Variants in FAM117B observed in about 807,000 individuals in gnomAD.
The protein encoded by FAM117B is family with sequence similarity 117 member B.
A neutral mutation model predicts 52.8 loss-of-function variants in FAM117B; 22 were observed. The ratio of observed to expected loss-of-function variants is 0.42; its 90% CI spans 0.30 to 0.59. The LOEUF (loss-of-function observed/expected upper bound fraction) is 0.59. FAM117B is among the 20% of genes least tolerant of loss of function. FAM117B has a pLI of 0.22. For missense variants in FAM117B, 678 were observed against 802.6 expected (o/e 0.84, Z 1.88); for synonymous variants, 309 against 324.1 (o/e 0.95, Z 0.50).
chr2:202,650,733 A>C (rs950292316), intron 1 of FAM117B, among the ~76,000 whole-genome samples: 1 of 152,200 alleles, frequency 6.6e-6, no homozygotes, highest in African/African-American at 2.4e-5. Flanking sequence ...AAGCTGAAGA[A>C]ACTGGAGTGA....
rs1158185300 is a variant in FAM117B, at chr2:202,673,433, G to GTTTTTTTTTTTTTTTTTTTTTTTTTTTT, written c.602-22443_602-22416dup. ...TAGCCTACCCTATTTTTCTTTTTCT[G>GTTTTTTTTTTTTTTTTTTTTTTTTTTTT]TTTTTTTTTTTTTTTTTTTTTTTTT... On this transcript the variant is annotated intron_variant, in intron 1 of 7. Coordinates refer to ENST00000392238, the MANE Select transcript of FAM117B (RefSeq NM_173511.4). 8.0e-5 allele frequency among the ~76,000 whole-genome samples: 3 copies of GTTTTTTTTTTTTTTTTTTTTTTTTTTTT among 37,534 alleles called. 1 individual carries two copies. Among genetic ancestry groups the GTTTTTTTTTTTTTTTTTTTTTTTTTTTT allele is most frequent in the Admixed American group, 4.9e-4 (1 of 2,034 alleles). The allele number at this position is 37,534 out of a possible 152,430, so 24.6% of individuals were successfully genotyped here.
At chr2:202,656,998 A>C (rs1260022526) in intron 1 of FAM117B, among the ~76,000 whole-genome samples, 1 of 152,176 alleles carries the variant, frequency 6.6e-6, no homozygotes, top group Admixed American at 6.5e-5. Flanking sequence ...TATTTTTACT[A>C]TCCTTTCTAT....
chr2:202,752,373 C>A (rs1376902486), intron 4 of FAM117B, among the ~76,000 whole-genome samples: 1 of 148,808 alleles, frequency 6.7e-6, no homozygotes, highest in African/African-American at 2.5e-5. Context: ...TCACAGATTT[C>A]TTGTGTTTGC....
chr2:202,657,097 A>AT (rs758126689), intron 1 of FAM117B, among the ~76,000 whole-genome samples: 13 of 151,488 alleles, frequency 8.6e-5, no homozygotes, highest in Non-Finnish European at 1.6e-4. Context: ...TATTTTATTT[A>AT]TTTTTTTTGA....
chr2:202,673,182 G>A (rs1264973170), intron 1 of FAM117B, among the ~76,000 whole-genome samples: 1 of 152,166 alleles, frequency 6.6e-6, no homozygotes, highest in African/African-American at 2.4e-5. Context: ...AAGTGAGTCT[G>A]TTGCAGTTTT....
intron 1 of FAM117B, among the ~76,000 whole-genome samples, chr2:202,649,211 A>G (rs1689919009): frequency 6.6e-6 from 1 of 152,108 alleles, no homozygotes; most frequent in Non-Finnish European, 1.5e-5. Flanking sequence ...TCATCTTACT[A>G]TTATTTTTTG....
chr2:202,754,350 G>GAAA (rs895226144), intron 4 of FAM117B, among the ~76,000 whole-genome samples: 1 of 152,114 alleles, frequency 6.6e-6, no homozygotes, highest in Admixed American at 6.5e-5. Context: ...ACATAGAGGG[G>GAAA]AACACACACC....
At chr2:202,682,008 AT>A (rs1475703537) in intron 1 of FAM117B, among the ~76,000 whole-genome samples, 1 of 152,198 alleles carries the variant, frequency 6.6e-6, no homozygotes, top group African/African-American at 2.4e-5. Context: ...CTATAGTTGG[AT>A]GTCAGAAGCA....
At chr2:202,726,069 T>C (rs572406805) in intron 3 of FAM117B, among the ~76,000 whole-genome samples, 181 bp from the exon 4 acceptor site, 16 of 152,344 alleles carry the variant, frequency 1.1e-4, no homozygotes, top group African/African-American at 3.4e-4. Context: ...TTGGAACATA[T>C]ACACATACAT....
chr2:202,642,179 T>C (rs1574537533), intron 1 of FAM117B, among the ~76,000 whole-genome samples: 1 of 143,652 alleles, frequency 7.0e-6, no homozygotes, highest in South Asian at 2.2e-4. Flanking sequence ...GGTCCTGAAC[T>C]CCTGACCTCG....
chr2:202,645,988 C>T (rs1383981306), intron 1 of FAM117B, among the ~76,000 whole-genome samples: 1 of 151,426 alleles, frequency 6.6e-6, no homozygotes, highest in African/African-American at 2.4e-5. Flanking sequence ...GAGCACTTGC[C>T]TTGCTGTTTG....
intron 4 of FAM117B, among the ~76,000 whole-genome samples, chr2:202,739,937 T>G (rs542695789): frequency 6.6e-6 from 1 of 151,662 alleles, no homozygotes; most frequent in Non-Finnish European, 1.5e-5. Flanking sequence ...TTTGGGAGGC[T>G]GAGGTGGGTG....
Position 202,755,555 on chromosome 2 carries a change from T to G in FAM117B, c.978T>G (p.Ser326Arg), listed in dbSNP as rs1042117199. ...INQCQAPVPK[S>R]ALIPVIPITK... ...TTCTTAAGGCTCCTGTTCCAAAGAG[T>G]GCACTTATTCCTGTAATTCCCATCA... Residue 326 changes from serine to arginine, a missense_variant, in exon 5 of 8, where the codon AGT becomes AGG. Ser to Arg is a moderately radical substitution (Grantham distance 110). This residue lies in a region of FAM117B where 583 missense variants were observed against 644.8 expected (regional missense o/e 0.90). Transcript: ENST00000392238. The G allele has an allele frequency of 6.2e-7, 1 of 1,613,854 alleles. No individual in the cohort carries two copies. Among genetic ancestry groups the G allele is most frequent in the African/African-American group, 1.3e-5 (1 of 74,896 alleles).
intron 2 of FAM117B, among the ~76,000 whole-genome samples, chr2:202,703,990 A>G (rs1690835646): frequency 6.6e-6 from 1 of 152,198 alleles, no homozygotes; most frequent in South Asian, 2.1e-4. Flanking sequence ...TTGAAAAATT[A>G]TAGTCGTCCT....
intron 1 of FAM117B, among the ~76,000 whole-genome samples, chr2:202,649,752 G>C (rs887454266): frequency 6.6e-6 from 1 of 151,960 alleles, no homozygotes; most frequent in African/African-American, 2.4e-5. Context: ...GGGTTTCACT[G>C]TGTTGGCCAG....
chr2:202,757,938 T>C (rs1333182216), intron 6 of FAM117B, among the ~76,000 whole-genome samples: 1 of 152,206 alleles, frequency 6.6e-6, no homozygotes, highest in Non-Finnish European at 1.5e-5. Context: ...CTTTTAAAAA[T>C]AACCTTAAAA....
chr2:202,695,370 A>G (rs751395691), intron 1 of FAM117B, among the ~76,000 whole-genome samples: 12 of 152,076 alleles, frequency 7.9e-5, no homozygotes, highest in Non-Finnish European at 1.2e-4. Context: ...CGCCATTCTG[A>G]GTAGGGTGAC....
intron 4 of FAM117B, among the ~76,000 whole-genome samples, chr2:202,731,681 C>T (rs1033304576): frequency 4.6e-5 from 7 of 152,104 alleles, no homozygotes; most frequent in African/African-American, 9.6e-5. Context: ...CCTCCTGCCT[C>T]GGTCTTCCCA....
intron 1 of FAM117B, among the ~76,000 whole-genome samples, chr2:202,663,408 T>G (rs376147001): frequency 3.1e-4 from 47 of 152,312 alleles, no homozygotes; most frequent in East Asian, 5.8e-4. Context: ...CATTTATATA[T>G]AGAGAGTTTT....
Sources: allele counts gnomAD v4.1 joint callset (sites outside exome capture counted in the v4.1 genomes callset), GRCh38; gene constraint gnomAD v4.1.1; regional missense constraint gnomAD v4.1.1; transcripts MANE v1.5; gene names NCBI Gene and HGNC (gene_info 2026-07-23, HGNC 2026-07-21).